The following KCNQ1 variants were observed in gnomAD, a reference collection of about 807,000 sequenced individuals.
The protein encoded by KCNQ1 is potassium voltage-gated channel subfamily Q member 1, also known as potassium voltage-gated channel subfamily KQT member 1.
A neutral mutation model predicts 72.4 loss-of-function variants in KCNQ1; 49 were observed. The observed-to-expected ratio is 0.68, with a 90% CI of 0.54 to 0.86. KCNQ1 has a LOEUF of 0.86. Among genes scored for constraint, KCNQ1 ranks in the 40% least tolerant of loss-of-function variants. The pLI is 0.00. For synonymous variants in KCNQ1, 450 were observed against 412.6 expected, an observed-to-expected ratio of 1.09 and a Z score of -1.10; for missense variants, 790 against 945.1, an observed-to-expected ratio of 0.84 and a Z score of 2.15.
intron 2 of KCNQ1, among the ~76,000 whole-genome samples, chr11:2,561,486 C>T (rs1469829521): frequency 2.0e-5 from 3 of 152,246 alleles, no homozygotes; most frequent in Non-Finnish European, 4.4e-5. Flanking sequence ...GCCCTTTCCA[C>T]AGGCCCAGGC....
intron 10 of KCNQ1, chr11:2,648,975 CTTTTTCTTTTTTTT>C (rs1281829033): frequency 5.9e-6 from 2 of 337,252 alleles, no homozygotes; most frequent in African/African-American, 6.3e-5. Context: ...TCTCTTTTTT[CTTTTTCTTTTTTTT>C]TTTTTTTTTT....
chr11:2,688,262 C>T (rs1056645469), intron 11 of KCNQ1: 9 of 398,558 alleles, frequency 2.3e-5, no homozygotes, highest in African/African-American at 1.0e-4. Context: ...GAGAGGGAGG[C>T]GCCATGACCT....
rs986521862 is a variant in KCNQ1, at chr11:2,451,627, G to T, written c.386+6143G>T. On this transcript the variant is annotated intron_variant, in intron 1 of 15. Coordinates refer to ENST00000155840, the MANE Select transcript of KCNQ1 (RefSeq NM_000218.3). This position sits in a 1 kb window ranked among gnomAD's most constrained non-coding sequence, Gnocchi z 6.4. Reference sequence around the variant, plus strand: ...CGGCACCGGACTCTCAGGATGAGCCGCCTGGAGTCTGTTGGCATCTGCCTG... The same window carrying T: ...CGGCACCGGACTCTCAGGATGAGCCTCCTGGAGTCTGTTGGCATCTGCCTG... Among the ~76,000 whole-genome samples, 2 of 152,158 alleles carry T rather than the reference G, an allele frequency of 1.3e-5. No homozygotes were observed. Among genetic ancestry groups the T allele is most frequent in the Non-Finnish European group, 2.9e-5 (2 of 68,018 alleles).
In KCNQ1 at chr11:2,682,475, C is replaced by CAAGT. The variant is rs112547618; in HGVS notation, c.1514+20394_1514+20395insAAGT. 1 of 389,392 alleles carries CAAGT rather than the reference C, an allele frequency of 2.6e-6. No homozygotes were observed. The highest frequency in any genetic ancestry group is 2.1e-5 in the African/African-American group (1 of 47,568). The allele number at this position is 389,392 out of a possible 1,614,324, so 24.1% of individuals were successfully genotyped here. A position where few individuals can be genotyped will look rare whatever the true frequency, so the allele number is the denominator to read the frequency against. ...TCACGGACCCTCAGTGAATGTTTGA[C>CAAGT]GAGTGAGTGAGTGAGTGAGTGAGTG... On this transcript the variant is annotated intron_variant, in intron 11 of 15. Transcript: ENST00000155840. The surrounding 1 kb of genome is among the most constrained non-coding windows in gnomAD (Gnocchi z 5.8).
chr11:2,610,818 C>T (rs960095294), intron 10 of KCNQ1: 2 of 350,480 alleles, frequency 5.7e-6, no homozygotes, highest in Non-Finnish European at 1.0e-5. Flanking sequence ...GTCAGCTCCA[C>T]ATTTGTCTCC....
At position 2,544,256 on chromosome 11, in the gene KCNQ1, ATATG is replaced by A. The variant is rs1564811895; in HGVS notation, c.477+16240_477+16243del. On this transcript the variant is annotated intron_variant, in intron 2 of 15. Coordinates refer to ENST00000155840, the MANE Select transcript of KCNQ1 (RefSeq NM_000218.3). This position sits in a 1 kb window ranked among gnomAD's most constrained non-coding sequence, Gnocchi z 4.4. ...TATATATGTGTGTGTGTGTATATATATATGTGTGTGTGTGTATATATATGTGTAT... is the reference window on the plus strand; with the variant it reads ...TATATATGTGTGTGTGTGTATATATATGTGTGTGTGTATATATATGTGTAT... Among the ~76,000 whole-genome samples, 1 of 143,616 alleles carries A rather than the reference ATATG, an allele frequency of 7.0e-6. No individual in the cohort carries two copies. Among genetic ancestry groups the A allele is most frequent in the African/African-American group, 2.7e-5 (1 of 36,570 alleles). The allele number at this position is 143,616 out of a possible 152,430, so 94.2% of individuals were successfully genotyped here. A position where few individuals can be genotyped will look rare whatever the true frequency, so the allele number is the denominator to read the frequency against.
intron 15 of KCNQ1, among the ~76,000 whole-genome samples, chr11:2,847,420 T>C (rs1393588312): frequency 6.6e-6 from 1 of 152,158 alleles, no homozygotes; most frequent in Non-Finnish European, 1.5e-5. Context: ...GTGCAGACCC[T>C]GCCATGCGGG....
chr11:2,751,684 C>T (rs1846228926), intron 11 of KCNQ1, among the ~76,000 whole-genome samples: 1 of 152,256 alleles, frequency 6.6e-6, no homozygotes, highest in Non-Finnish European at 1.5e-5. Flanking sequence ...GTGAGCGTAG[C>T]GTTACCATGG....
At chr11:2,831,702 C>T (rs1291486700) in intron 15 of KCNQ1, among the ~76,000 whole-genome samples, 2 of 145,942 alleles carry the variant, frequency 1.4e-5, no homozygotes, top group Admixed American at 6.8e-5. Context: ...GCACCCTTCT[C>T]CCCGCTGCCC....
chr11:2,502,582 AT>A (rs1847035311), intron 1 of KCNQ1, among the ~76,000 whole-genome samples: 1 of 152,214 alleles, frequency 6.6e-6, no homozygotes, highest in Non-Finnish European at 1.5e-5. Context: ...GACTGGAAGA[AT>A]CAATATTGTT....
intron 2 of KCNQ1, among the ~76,000 whole-genome samples, chr11:2,539,852 G>A (rs1175177057): frequency 2.6e-5 from 4 of 152,240 alleles, no homozygotes; most frequent in Non-Finnish European, 4.4e-5. Flanking sequence ...TGAGTGCCAC[G>A]TTCGGTGGGG....
At chr11:2,474,413 G>C (rs1846540827) in intron 1 of KCNQ1, among the ~76,000 whole-genome samples, 1 of 152,206 alleles carries the variant, frequency 6.6e-6, no homozygotes, top group Admixed American at 6.5e-5. Context: ...CCCGAGCCCT[G>C]TGGGAAGCCT....
chr11:2,450,004 T>C lies in KCNQ1; in HGVS notation c.386+4520T>C, dbSNP rs750279202. Among the ~76,000 whole-genome samples the C allele has an allele frequency of 3.0e-4, 46 of 152,198 alleles. No individual in the cohort carries two copies. Among genetic ancestry groups the C allele is most frequent in the Non-Finnish European group, 4.9e-4 (33 of 68,030 alleles). On this transcript the variant is annotated intron_variant, in intron 1 of 15. Transcript: ENST00000155840. This position sits in a 1 kb window ranked among gnomAD's most constrained non-coding sequence, Gnocchi z 7.9. Reference sequence around the variant, plus strand: ...GCGATGGGAATGCCACCGGTCCCTGTAGCCAAGGTGCAGATGCACACGTCC... The same window carrying C: ...GCGATGGGAATGCCACCGGTCCCTGCAGCCAAGGTGCAGATGCACACGTCC...
At chr11:2,558,813 G>A (rs1468907797) in intron 2 of KCNQ1, among the ~76,000 whole-genome samples, 1 of 152,180 alleles carries the variant, frequency 6.6e-6, no homozygotes, top group Non-Finnish European at 1.5e-5. Flanking sequence ...CCTTCATGGG[G>A]AGGCCAAGGC....
chr11:2,466,312 G>A (rs371380283), intron 1 of KCNQ1, among the ~76,000 whole-genome samples: 1 of 152,096 alleles, frequency 6.6e-6, no homozygotes, highest in Non-Finnish European at 1.5e-5. Flanking sequence ...GTGCTTGCTG[G>A]GGGGAGAAGT....
intron 15 of KCNQ1, among the ~76,000 whole-genome samples, chr11:2,811,879 TAC>T (rs781267734): frequency 6.6e-6 from 1 of 152,216 alleles, no homozygotes; most frequent in Non-Finnish European, 1.5e-5. Context: ...ATTCCCGTTC[TAC>T]AGTTTCCTGA....
chr11:2,712,132 G>A lies in KCNQ1; in HGVS notation c.1514+50051G>A, dbSNP rs1851017798. Among the ~76,000 whole-genome samples, 1 of 152,196 alleles carries A rather than the reference G, an allele frequency of 6.6e-6. No homozygotes were observed. Among genetic ancestry groups the A allele is most frequent in the Non-Finnish European group, 1.5e-5 (1 of 68,030 alleles). ...GGAGGTAACGGCTTTCTAGCCCTTT[G>A]GAAACCTGAGTGGGGTTTTGTGCTT... is the stretch of plus-strand genomic sequence containing the variant. On this transcript the variant is annotated intron_variant, in intron 11 of 15. Coordinates refer to ENST00000155840, the MANE Select transcript of KCNQ1 (RefSeq NM_000218.3). This position sits in a 1 kb window ranked among gnomAD's most constrained non-coding sequence, Gnocchi z 6.4.
At position 2,446,555 on chromosome 11, in the gene KCNQ1, TCAGGGCGG is replaced by T. The variant is rs1479755490; in HGVS notation, c.386+1072_386+1079del. Among the ~76,000 whole-genome samples the T allele has an allele frequency of 6.6e-6, 1 of 152,148 alleles. No individual in the cohort carries two copies. Among genetic ancestry groups the T allele is most frequent in the Non-Finnish European group, 1.5e-5 (1 of 68,018 alleles). ...CCTGCTGGCAGCTGCCACCAGGGCC[TCAGGGCGG>T]GTGACAGCAGGAGCCAGGCCCCAAA... is the stretch of plus-strand genomic sequence containing the variant. On this transcript the variant is annotated intron_variant, in intron 1 of 15. Coordinates refer to ENST00000155840, the MANE Select transcript of KCNQ1 (RefSeq NM_000218.3). This position sits in a 1 kb window ranked among gnomAD's most constrained non-coding sequence, Gnocchi z 8.8.
chr11:2,770,413 C>T (rs1005233964), intron 12 of KCNQ1, among the ~76,000 whole-genome samples: 1 of 152,250 alleles, frequency 6.6e-6, no homozygotes, highest in Non-Finnish European at 1.5e-5. Context: ...CTAGGCTCGT[C>T]GTCACTCTGA....
Sources: gnomAD v4.1 joint callset for allele counts (sites outside exome capture counted in the v4.1 genomes callset) on GRCh38, gnomAD v4.1.1 for gene constraint, Gnocchi (gnomAD v3.1) non-coding constraint, MANE v1.5 for transcripts, NCBI Gene and HGNC (gene_info 2026-07-23, HGNC 2026-07-21) for gene names.